The following GAB1 variants were observed in gnomAD, a reference collection of about 807,000 sequenced individuals.
GAB1 encodes GRB2-associated-binding protein 1.
GAB1 carries 19 observed loss-of-function variants against 66.5 expected under a neutral mutation model. The ratio of observed to expected loss-of-function variants is 0.29; its 90% CI spans 0.20 to 0.42. GAB1 has a LOEUF of 0.42. GAB1 is among the 10% of genes least tolerant of loss of function. GAB1 has a pLI of 1.00. For synonymous variants in GAB1, 294 were observed against 301.4 expected (o/e 0.98, Z 0.25); for missense variants, 732 against 858.5 (o/e 0.85, Z 1.84).
intron 1 of GAB1, among the ~76,000 whole-genome samples, chr4:143,394,182 G>A (rs529360174): frequency 6.6e-6 from 1 of 152,288 alleles, no homozygotes; most frequent in Non-Finnish European, 1.5e-5. Flanking sequence ...GCTGAGTCAG[G>A]AGAAACACTT....
chr4:143,451,271 C>T (rs1458317097), intron 6 of GAB1, among the ~76,000 whole-genome samples: 2 of 151,996 alleles, frequency 1.3e-5, no homozygotes, highest in Non-Finnish European at 2.9e-5. Flanking sequence ...AAACAACATG[C>T]CCAGGTCCTT....
Position 143,371,236 on chromosome 4 carries a change from C to T in GAB1, c.72+33976C>T, listed in dbSNP as rs540275509. 2.2e-4 allele frequency among the ~76,000 whole-genome samples: 34 copies of T among 152,128 alleles called. No individual in the cohort carries two copies. The South Asian group carries it at 7.1e-3, about 32-fold the overall frequency. The stretch of plus-strand genomic sequence containing the variant: ...TTGTTTCCTGACTTTTTAATGATCG[C>T]CATTCTAACTGGTGTGAGATGGTAT... On this transcript the variant is annotated intron_variant, in intron 1 of 9. Transcript: ENST00000262994.
chr4:143,388,874 A>G (rs1731045515), intron 1 of GAB1, among the ~76,000 whole-genome samples: 1 of 152,240 alleles, frequency 6.6e-6, no homozygotes, highest in Non-Finnish European at 1.5e-5. Context: ...AGTTTTAAAC[A>G]GTTCCTTGAA....
intron 6 of GAB1, chr4:143,457,656 G>A: frequency 1.4e-6 from 1 of 736,324 alleles, no homozygotes; most frequent in Non-Finnish European, 2.1e-6. Context: ...ATTATATTAA[G>A]AGAGTCTTCT....
At chr4:143,432,919 G>C (rs1441534533) in intron 2 of GAB1, among the ~76,000 whole-genome samples, 1 of 152,186 alleles carries the variant, frequency 6.6e-6, no homozygotes, top group Non-Finnish European at 1.5e-5. Context: ...GCTGAGGGAA[G>C]AGGTGATGCC....
At chr4:143,381,043 G>C (rs891239663) in intron 1 of GAB1, among the ~76,000 whole-genome samples, 1 of 152,126 alleles carries the variant, frequency 6.6e-6, no homozygotes, top group Non-Finnish European at 1.5e-5. Flanking sequence ...CTGGCTGTTG[G>C]AGAAGTCACC....
chr4:143,379,268 T>G (rs1360694739), intron 1 of GAB1, among the ~76,000 whole-genome samples: 2 of 152,150 alleles, frequency 1.3e-5, no homozygotes, highest in Admixed American at 6.5e-5. Context: ...GCAATAACAT[T>G]TAATGTTGGA....
chr4:143,341,100 A>C (rs1462212500), intron 1 of GAB1, among the ~76,000 whole-genome samples: 1 of 152,174 alleles, frequency 6.6e-6, no homozygotes, highest in Non-Finnish European at 1.5e-5. Context: ...GGAAGTTTTT[A>C]AAATCTACTT....
At chr4:143,426,125 A>G (rs766636481) in intron 2 of GAB1, 29 of 459,058 alleles carry the variant, frequency 6.3e-5, no homozygotes, top group Non-Finnish European at 9.3e-5. Flanking sequence ...TTCACCTTCT[A>G]TTTACTCAGG....
At position 143,473,636 on chromosome 4, in the gene GAB1, G is replaced by A. The variant is rs866012515; in HGVS notation, c.*4447G>A. On this transcript the variant is annotated 3_prime_UTR_variant, in exon 10 of 10. Coordinates refer to ENST00000262994, the MANE Select transcript of GAB1 (RefSeq NM_002039.4). ...TTGTGTAAAAGTCCAAATAAATAAG[G>A]GCCTGCATGCAACCTTTATCTTCAG... 13 of 152,198 alleles carry A rather than the reference G, an allele frequency of 8.5e-5. No homozygotes were observed. Among genetic ancestry groups the A allele is most frequent in the African/African-American group, 3.1e-4 (13 of 41,532 alleles). The allele number at this position is 152,198 out of a possible 1,614,324, so 9.4% of individuals were successfully genotyped here. A position where few individuals can be genotyped will look rare whatever the true frequency, so the allele number is the denominator to read the frequency against.
chr4:143,378,176 T>G (rs1466833924), intron 1 of GAB1, among the ~76,000 whole-genome samples: 1 of 152,202 alleles, frequency 6.6e-6, no homozygotes, highest in Non-Finnish European at 1.5e-5. Context: ...AAGGATAAAT[T>G]TTGTTTCTCT....
intron 1 of GAB1, among the ~76,000 whole-genome samples, chr4:143,399,368 A>G (rs889865140): frequency 6.6e-6 from 1 of 152,250 alleles, no homozygotes; most frequent in Non-Finnish European, 1.5e-5. Context: ...TTTTGGCTTT[A>G]GGACAAAAGG....
intron 9 of GAB1, among the ~76,000 whole-genome samples, chr4:143,467,299 T>A (rs150906028): frequency 4.2e-4 from 64 of 152,322 alleles, no homozygotes; most frequent in African/African-American, 1.3e-3. Flanking sequence ...ACTGGATGAG[T>A]TTAAGGTCAT....
At chr4:143,417,257 G>T (rs1367004448) in intron 2 of GAB1, among the ~76,000 whole-genome samples, 2 of 152,128 alleles carry the variant, frequency 1.3e-5, no homozygotes, top group Admixed American at 6.5e-5. Flanking sequence ...GGGCAGTAAG[G>T]CTCTGAGTGA....
chr4:143,350,169 C>A, intron 1 of GAB1: 1 of 702,270 alleles, frequency 1.4e-6, no homozygotes. Flanking sequence ...TATTAAGACA[C>A]TTTTTGTGTG....
chr4:143,397,857 C>G (rs1049962415), intron 1 of GAB1, among the ~76,000 whole-genome samples: 2 of 152,112 alleles, frequency 1.3e-5, no homozygotes, highest in African/African-American at 4.8e-5. Context: ...TGAGCAATGG[C>G]AGAGACAGGG....
chr4:143,464,804 G>A (rs1353305408), intron 8 of GAB1, among the ~76,000 whole-genome samples: 1 of 152,158 alleles, frequency 6.6e-6, no homozygotes, highest in Admixed American at 6.5e-5. Flanking sequence ...TACGAAATGA[G>A]AGAATAGTCT....
intron 1 of GAB1, among the ~76,000 whole-genome samples, chr4:143,413,825 T>C (rs74428927): frequency 6.0e-4 from 38 of 63,588 alleles, no homozygotes; most frequent in African/African-American, 4.6e-3. Flanking sequence ...CCCGCTGCCC[T>C]TTTTTTTTTT....
At chr4:143,451,797 T>A (rs999901285) in intron 6 of GAB1, among the ~76,000 whole-genome samples, 1 of 152,094 alleles carries the variant, frequency 6.6e-6, no homozygotes, top group South Asian at 2.1e-4. Flanking sequence ...CAGTGATTTT[T>A]GGAAGTTTTG....
Sources: allele counts gnomAD v4.1 joint callset (sites outside exome capture counted in the v4.1 genomes callset), GRCh38; gene constraint gnomAD v4.1.1; transcripts MANE v1.5; gene names NCBI Gene and HGNC (gene_info 2026-07-23, HGNC 2026-07-21).